The following SP1 variants were observed in gnomAD, a reference collection of about 807,000 sequenced individuals.
SP1 encodes transcription factor Sp1.
A neutral mutation model predicts 66.3 loss-of-function variants in SP1; 6 were observed. The observed-to-expected ratio is 0.09, with a 90% CI of 0.05 to 0.18. The LOEUF (loss-of-function observed/expected upper bound fraction) is 0.18, where lower values mean the gene tolerates loss of function less well. Among genes scored for constraint, SP1 ranks in the 10% least tolerant of loss-of-function variants. SP1 has a pLI of 1.00. For synonymous variants in SP1, 417 were observed against 360.8 expected (o/e 1.16, Z -1.77); for missense variants, 848 against 964.5 (o/e 0.88, Z 1.60).
chr12:53,406,074 T>C (rs1340057758), intron 3 of SP1, among the ~76,000 whole-genome samples: 2 of 139,302 alleles, frequency 1.4e-5, no homozygotes, highest in Admixed American at 7.1e-5. Flanking sequence ...TCTTTTTTTT[T>C]TTTTTTTTTT....
Position 53,393,346 on chromosome 12 carries a change from G to A in SP1, c.1675+9724G>A, listed in dbSNP as rs115311202. On this transcript the variant is annotated intron_variant, in intron 3 of 5. Transcript: ENST00000327443. The stretch of plus-strand genomic sequence containing the variant: ...GGAGTCTTGCTCTTGTTGCCCAGGC[G>A]CGATCTCTGCTCACCGCAACCTCTG... Among the ~76,000 whole-genome samples, 354 of 147,440 alleles carry A rather than the reference G, an allele frequency of 2.4e-3. 1 individual carries two copies. Among genetic ancestry groups the A allele is most frequent in the African/African-American group, 8.5e-3 (338 of 39,908 alleles).
Position 53,381,648 on chromosome 12 carries a change from A to C in SP1, c.8-11A>C, listed in dbSNP as rs768587211. 6.3e-7 allele frequency: 1 copy of C among 1,591,112 alleles called. No homozygotes were observed. Among genetic ancestry groups the C allele is most frequent in the African/African-American group, 1.4e-5 (1 of 73,448 alleles). On this transcript the variant is annotated splice_polypyrimidine_tract_variant and intron_variant, in intron 1 of 5. Transcript: ENST00000327443. ...CTCAAGTTTACGTTGTTTGTTTTTT[A>C]ATTATTTTAGACCAAGATCACTCCA...
At chr12:53,393,659 G>GC (rs1938406630) in intron 3 of SP1, among the ~76,000 whole-genome samples, 1 of 149,920 alleles carries the variant, frequency 6.7e-6, no homozygotes, top group African/African-American at 2.5e-5. Flanking sequence ...GTGCAATGGT[G>GC]CGATCTTGGC....
chr12:53,394,004 C>G (rs1228175562), intron 3 of SP1, among the ~76,000 whole-genome samples: 2 of 151,672 alleles, frequency 1.3e-5, no homozygotes, highest in Non-Finnish European at 1.5e-5. Context: ...CACCTGAGAT[C>G]GGGAGTTCAA....
chr12:53,409,301 A>C (rs1938826651), intron 4 of SP1, 61 bp from the exon 5 acceptor site: 1 of 1,379,204 alleles, frequency 7.3e-7, no homozygotes, highest in African/African-American at 1.4e-5. Context: ...TGCTGTTGAT[A>C]CTTTGTGGTT....
intron 3 of SP1, among the ~76,000 whole-genome samples, chr12:53,384,968 G>A (rs1938193307): frequency 6.8e-6 from 1 of 147,466 alleles, no homozygotes. Flanking sequence ...CTGGGCAACA[G>A]AGTGAGACTC....
At chr12:53,394,774 C>T (rs1938444130) in intron 3 of SP1, among the ~76,000 whole-genome samples, 1 of 151,362 alleles carries the variant, frequency 6.6e-6, no homozygotes, top group African/African-American at 2.4e-5. Context: ...GCCACCATGC[C>T]CAGCTAATTT....
intron 3 of SP1, among the ~76,000 whole-genome samples, chr12:53,396,029 A>G (rs1938480792): frequency 6.6e-6 from 1 of 152,110 alleles, no homozygotes; most frequent in Non-Finnish European, 1.5e-5. Context: ...CTGAGGCGGG[A>G]GAATCACCTG....
chr12:53,387,470 CTT>C (rs1938256033), intron 3 of SP1, among the ~76,000 whole-genome samples: 1 of 152,104 alleles, frequency 6.6e-6, no homozygotes, highest in Non-Finnish European at 1.5e-5. Context: ...ACATGTTGAG[CTT>C]TAACAAGACA....
chr12:53,410,631 G>A (rs939947684), intron 5 of SP1, among the ~76,000 whole-genome samples: 6 of 151,608 alleles, frequency 4.0e-5, no homozygotes, highest in African/African-American at 9.7e-5. Context: ...CAGCCTCTCC[G>A]AGTAGCTGGG....
chr12:53,382,632 C>T lies in SP1; in HGVS notation c.685C>T (p.Pro229Ser). 1 of 1,614,150 alleles carries T rather than the reference C, an allele frequency of 6.2e-7. No homozygotes were observed. Among genetic ancestry groups the T allele is most frequent in the Middle Eastern group, 1.6e-4 (1 of 6,062 alleles). ...TGGAGGCAACATCATTGCTGCTATG[C>T]CAAACCTACTCCAGCAGGCTGTCCC... is the stretch of plus-strand genomic sequence containing the variant. ...GSGGNIIAAM[P>S]NLLQQAVPLQ... Residue 229 changes from proline (P) to serine (S), a missense_variant, in exon 3 of 6, where the codon CCA becomes TCA. This residue lies in a region of SP1 where 606 missense variants were observed against 589.9 expected (regional missense o/e 1.03). Transcript: ENST00000327443.
intron 3 of SP1, among the ~76,000 whole-genome samples, chr12:53,386,713 T>C (rs1938237788): frequency 6.6e-6 from 1 of 151,994 alleles, no homozygotes; most frequent in South Asian, 2.1e-4. Flanking sequence ...GGTCTCGAAC[T>C]CCTGACCTCA....
chr12:53,403,669 T>C (rs147060786), intron 3 of SP1, among the ~76,000 whole-genome samples: 3 of 152,130 alleles, frequency 2.0e-5, no homozygotes, highest in African/African-American at 7.2e-5. Context: ...ATATTAAATA[T>C]ATGGATAGAG....
chr12:53,407,668 G>T (rs1300571908), intron 4 of SP1, among the ~76,000 whole-genome samples: 1 of 134,174 alleles, frequency 7.5e-6, no homozygotes, highest in Non-Finnish European at 1.6e-5. Flanking sequence ...ATGGAGTCTT[G>T]CTCTGTTGCC....
Position 53,382,425 on chromosome 12 carries a change from G to A in SP1, c.478G>A (p.Val160Ile), listed in dbSNP as rs760712647. 2.5e-6 allele frequency: 4 copies of A among 1,614,106 alleles called. No homozygotes were observed. The Admixed American group carries it at 5.0e-5, about 20-fold the overall frequency. ...AAAPNLQNQQVLTGLPGVMPN... is the reference protein window; with the variant it reads ...AAAPNLQNQQILTGLPGVMPN... ...CGCTCCCAACTTACAGAACCAGCAA[G>A]TTCTGACAGGACTACCTGGAGTGAT... is the stretch of plus-strand genomic sequence containing the variant. Residue 160 changes from valine (V) to isoleucine (I), a missense_variant, in exon 3 of 6, where the codon GTT becomes ATT. Coordinates refer to ENST00000327443, the MANE Select transcript of SP1 (RefSeq NM_138473.3).
rs1938964329 is a variant in SP1 at position 53,414,822 on chromosome 12, C to T, written c.*3582C>T. ...GGCCCCTGTTATGCTTAGGGGGAGCCCTGGTGCTACTTGCTTGAAGTTTTC... is the reference window on the plus strand; with the variant it reads ...GGCCCCTGTTATGCTTAGGGGGAGCTCTGGTGCTACTTGCTTGAAGTTTTC... On this transcript the variant is annotated 3_prime_UTR_variant, in exon 6 of 6. Transcript: ENST00000327443. 6.6e-6 allele frequency: 1 copy of T among 152,382 alleles called. No individual in the cohort carries two copies. Among genetic ancestry groups the T allele is most frequent in the Admixed American group, 6.6e-5 (1 of 15,232 alleles). 9.4% of individuals were successfully genotyped at this position (152,382 alleles called of 1,614,324 possible).
chr12:53,390,400 G>C (rs1462646861), intron 3 of SP1, among the ~76,000 whole-genome samples: 1 of 151,872 alleles, frequency 6.6e-6, no homozygotes, highest in Non-Finnish European at 1.5e-5. Context: ...TGCTTTGAGG[G>C]GGCTGGGTGC....
At chr12:53,380,983 C>CTTTT (rs1938083272) in intron 1 of SP1, among the ~76,000 whole-genome samples, 2 of 107,620 alleles carry the variant, frequency 1.9e-5, no homozygotes, top group African/African-American at 8.6e-5. Context: ...GGAGTTTTCG[C>CTTTT]TCTTGTTACC....
Position 53,415,421 on chromosome 12 carries a change from AGGG to A in SP1, c.*4185_*4187del, listed in dbSNP as rs887095405. ...GATCCAAGGCAGGGAAAGGAAAAGA[AGGG>A]GGGTCTCTGGCTTTATTACTCCCCT... On this transcript the variant is annotated 3_prime_UTR_variant, in exon 6 of 6. Coordinates refer to ENST00000327443, the MANE Select transcript of SP1 (RefSeq NM_138473.3). 2 of 152,392 alleles carry A rather than the reference AGGG, an allele frequency of 1.3e-5. No homozygotes were observed. The highest frequency in any genetic ancestry group is 2.9e-5 in the Non-Finnish European group (2 of 68,028). 9.4% of individuals were successfully genotyped at this position (152,392 alleles called of 1,614,324 possible).
Sources: gnomAD v4.1 joint callset for allele counts (sites outside exome capture counted in the v4.1 genomes callset) on GRCh38, gnomAD v4.1.1 for gene constraint, gnomAD v4.1.1 regional missense constraint, MANE v1.5 for transcripts, NCBI Gene and HGNC (gene_info 2026-07-23, HGNC 2026-07-21) for gene names.